The following ZMIZ1 variants were observed in gnomAD, a reference collection of about 807,000 sequenced individuals.
ZMIZ1 encodes the protein zinc finger MIZ-type containing 1, also known as zinc finger MIZ domain-containing protein 1.
Under a neutral mutation model 113.9 loss-of-function variants are expected in ZMIZ1, and 17 were observed. The ratio of observed to expected loss-of-function variants is 0.15; its 90% CI spans 0.10 to 0.22. The LOEUF is 0.22. Among genes scored for constraint, ZMIZ1 ranks in the 10% least tolerant of loss-of-function variants. ZMIZ1 has a pLI of 1.00. For missense variants in ZMIZ1, 1,059 were observed against 1,477.8 expected, an observed-to-expected ratio of 0.72 and a Z score of 4.65; for synonymous variants, 607 against 603.1, an observed-to-expected ratio of 1.01 and a Z score of -0.09.
intron 7 of ZMIZ1, among the ~76,000 whole-genome samples, chr10:79,273,466 A>G (rs986874029): frequency 2.0e-5 from 3 of 152,148 alleles, no homozygotes; most frequent in African/African-American, 2.4e-5. Flanking sequence ...AGGTCAAGCA[A>G]TTCTGCTCAG....
chr10:79,254,115 C>T (rs778401282), intron 7 of ZMIZ1, among the ~76,000 whole-genome samples: 29 of 152,260 alleles, frequency 1.9e-4, no homozygotes, highest in Non-Finnish European at 3.1e-4. Flanking sequence ...AATCCTAGAA[C>T]TCCAATTAGG....
chr10:79,268,813 G>T (rs111373294), intron 7 of ZMIZ1, among the ~76,000 whole-genome samples: 3,554 of 152,316 alleles, frequency 0.023, 150 homozygotes, highest in African/African-American at 0.08. Context: ...TCCTCTGACC[G>T]CGTTGCAGAG....
chr10:79,287,731 C>T (rs1470009565), intron 8 of ZMIZ1, among the ~76,000 whole-genome samples: 1 of 152,202 alleles, frequency 6.6e-6, no homozygotes, highest in Non-Finnish European at 1.5e-5. Flanking sequence ...ATCACCTGCT[C>T]AGATTCTGTA....
At chr10:79,123,053 T>C (rs1339358822) in intron 2 of ZMIZ1, among the ~76,000 whole-genome samples, 2 of 152,208 alleles carry the variant, frequency 1.3e-5, no homozygotes, top group African/African-American at 4.8e-5. Context: ...CTCGGCGGAC[T>C]AGAGCCAGGT....
At chr10:79,189,948 C>A (rs186047229) in intron 4 of ZMIZ1, among the ~76,000 whole-genome samples, 1 of 152,208 alleles carries the variant, frequency 6.6e-6, no homozygotes, top group Non-Finnish European at 1.5e-5. Context: ...AAATGAAGAT[C>A]GGGCTAGACC....
chr10:79,141,291 C>G (rs150296122), intron 3 of ZMIZ1, among the ~76,000 whole-genome samples: 1 of 152,194 alleles, frequency 6.6e-6, no homozygotes, highest in African/African-American at 2.4e-5. Flanking sequence ...AGACAAAACT[C>G]CCTGCCCTTA....
intron 1 of ZMIZ1, among the ~76,000 whole-genome samples, chr10:79,113,294 A>C (rs1589285578): frequency 1.3e-5 from 2 of 152,314 alleles, no homozygotes; most frequent in East Asian, 3.9e-4. Flanking sequence ...TGTGGCCGAG[A>C]GACCGGCAGC....
chr10:79,143,446 C>T (rs1256237468), intron 3 of ZMIZ1, among the ~76,000 whole-genome samples: 1 of 152,194 alleles, frequency 6.6e-6, no homozygotes, highest in East Asian at 1.9e-4. Context: ...TTGTCAGATG[C>T]TCTTCCCCTT....
chr10:79,099,941 A>T (rs1314185515), intron 1 of ZMIZ1, among the ~76,000 whole-genome samples: 1 of 151,972 alleles, frequency 6.6e-6, no homozygotes, highest in Non-Finnish European at 1.5e-5. Context: ...TGCTTGTATG[A>T]CCCGAACAAG....
intron 8 of ZMIZ1, among the ~76,000 whole-genome samples, chr10:79,284,000 C>T (rs761707801): frequency 6.6e-6 from 1 of 152,202 alleles, no homozygotes; most frequent in African/African-American, 2.4e-5. Flanking sequence ...TGACAATACC[C>T]TTAATGGAAA....
chr10:79,216,069 G>T, intron 6 of ZMIZ1, 100 bp from the exon 7 acceptor site: 1 of 716,854 alleles, frequency 1.4e-6, no homozygotes. Context: ...ATGGGGCACT[G>T]CCTTAGCTTG....
chr10:79,073,143 G>A (rs1842349842), intron 1 of ZMIZ1, among the ~76,000 whole-genome samples: 2 of 152,182 alleles, frequency 1.3e-5, no homozygotes, highest in Admixed American at 1.3e-4. Context: ...GCTGTTGCTT[G>A]CTATCTGTGT....
chr10:79,187,465 G>A (rs1187089133), intron 4 of ZMIZ1, among the ~76,000 whole-genome samples: 1 of 152,234 alleles, frequency 6.6e-6, no homozygotes, highest in Admixed American at 6.5e-5. Flanking sequence ...AGTCTGAGCT[G>A]TGGTGCCCAC....
intron 7 of ZMIZ1, among the ~76,000 whole-genome samples, chr10:79,236,595 G>A (rs1564541241): frequency 6.6e-6 from 1 of 152,154 alleles, no homozygotes; most frequent in Non-Finnish European, 1.5e-5. Flanking sequence ...ACCACCTCCA[G>A]CAGCCCCTTT....
rs745657826 is a variant in ZMIZ1, at chr10:79,293,598, G to T, written c.1175G>T (p.Gly392Val). 4.3e-6 allele frequency: 7 copies of T among 1,612,990 alleles called. No homozygotes were observed. The East Asian group carries it at 1.6e-4, about 36-fold the overall frequency. The part of the protein sequence containing the change: ...GQRMPQQTYP[G>V]PRPQSLPIQN... Reference sequence around the variant, plus strand: ...CGGATGCCCCAGCAGACCTACCCGGGCCCCCGGCCCCAGTCCCTTCCTATT... The same window carrying T: ...CGGATGCCCCAGCAGACCTACCCGGTCCCCCGGCCCCAGTCCCTTCCTATT... The change falls in exon 12 of 25, where the codon GGC becomes GTC. Residue 392 changes from glycine to valine, a missense_variant. Coordinates refer to ENST00000334512, the MANE Select transcript of ZMIZ1 (RefSeq NM_020338.4).
In ZMIZ1 at chr10:79,311,138, A is replaced by G; in HGVS notation, c.3050A>G (p.Gln1017Arg). ...TFNPSSALEG[Q>R]AGAQGASDMP... ...AACCCCTCCTCAGCCTTAGAGGGTC[A>G]GGCCGGAGCGCAGGGAGCGTCCGAC... Residue 1017 changes from glutamine (Q) to arginine (R), a missense_variant, in exon 24 of 25, where the codon CAG becomes CGG. Gln to Arg is a conservative substitution (Grantham distance 43, BLOSUM62 1). Transcript: ENST00000334512. 1.2e-6 allele frequency: 2 copies of G among 1,613,684 alleles called. No individual in the cohort carries two copies. Among genetic ancestry groups the G allele is most frequent in the Non-Finnish European group, 1.7e-6 (2 of 1,180,018 alleles).
At chr10:79,093,262 G>A (rs1272363404) in intron 1 of ZMIZ1, among the ~76,000 whole-genome samples, 7 of 151,484 alleles carry the variant, frequency 4.6e-5, no homozygotes, top group Admixed American at 2.0e-4. Flanking sequence ...AACCCTACGC[G>A]GGAAGGACTG....
At chr10:79,201,762 T>C (rs2802371) in intron 5 of ZMIZ1, 70 bp downstream of exon 5, 746,078 of 1,568,016 alleles carry the variant, frequency 0.48, 180,511 homozygotes, top group Non-Finnish European at 0.5. Flanking sequence ...GGGCATCTGG[T>C]GGGTTCTGGC....
intron 1 of ZMIZ1, among the ~76,000 whole-genome samples, chr10:79,075,928 C>T (rs1470472634): frequency 6.6e-6 from 1 of 152,200 alleles, no homozygotes; most frequent in East Asian, 1.9e-4. Context: ...TCCCAATCCG[C>T]AGGGGATGAC....
Sources: gnomAD v4.1 joint callset for allele counts (sites outside exome capture counted in the v4.1 genomes callset) on GRCh38, gnomAD v4.1.1 for gene constraint, MANE v1.5 for transcripts, NCBI Gene and HGNC (gene_info 2026-07-23, HGNC 2026-07-21) for gene names.